The following ZBTB46 variants were observed in gnomAD, a reference collection of about 807,000 sequenced individuals.
The protein encoded by ZBTB46 is zinc finger and BTB domain-containing protein 46.
A neutral mutation model predicts 44.1 loss-of-function variants in ZBTB46; 8 were observed. The ratio of observed to expected loss-of-function variants is 0.18; its 90% CI spans 0.11 to 0.33. ZBTB46 has a LOEUF of 0.33. Ranked by LOEUF, ZBTB46 falls within the 10% of genes least tolerant of loss-of-function variation. The probability of loss-of-function intolerance (pLI) is 1.00; values close to 1 mark genes in which losing one functional copy is unlikely to be tolerated. For missense variants in ZBTB46, 651 were observed against 847.7 expected, an observed-to-expected ratio of 0.77 and a Z score of 2.88; for synonymous variants, 409 against 382.3, an observed-to-expected ratio of 1.07 and a Z score of -0.81.
intron 1 of ZBTB46, chr20:63,816,573 A>G (rs188961346): frequency 6.6e-6 from 1 of 152,456 alleles, no homozygotes; most frequent in Admixed American, 6.5e-5. Flanking sequence ...AGTGGCCACG[A>G]GAGGTAGCAG....
Position 63,803,789 on chromosome 20 carries a change from C to A in ZBTB46, c.-33-12999G>T, listed in dbSNP as rs2092664502. Among the ~76,000 whole-genome samples the A allele has an allele frequency of 6.6e-6, 1 of 152,156 alleles. No individual in the cohort carries two copies. ...GTGGCGCAATCTCGGCTCACTGCAG[C>A]CTCAACCTCCCAGGCTCAAGGCATC... On this transcript the variant is annotated intron_variant, in intron 1 of 4. Transcript: ENST00000245663. This position sits in a 1 kb window ranked among gnomAD's most constrained non-coding sequence, Gnocchi z 4.0.
intron 3 of ZBTB46, among the ~76,000 whole-genome samples, chr20:63,766,983 C>A (rs994230110): frequency 6.6e-6 from 1 of 152,206 alleles, no homozygotes; most frequent in African/African-American, 2.4e-5. Context: ...AGCCCACCTG[C>A]TGCTCTGGGT....
In ZBTB46 at chr20:63,752,911, C is replaced by T. The variant is rs2092183663; in HGVS notation, c.1223-50G>A. On this transcript the variant is annotated intron_variant, in intron 3 of 4. Transcript: ENST00000245663. The surrounding 1 kb of genome is among the most constrained non-coding windows in gnomAD (Gnocchi z 5.6). ...GTCAGCAGGGCTTGGGATGTACCGC[C>T]CTGCGGCCCACAGACCACGGCTGCA... The T allele has an allele frequency of 5.8e-6, 9 of 1,540,682 alleles. No individual in the cohort carries two copies. The highest frequency in any genetic ancestry group is 7.9e-6 in the Non-Finnish European group (9 of 1,139,960).
chr20:63,829,003 C>G (rs1328760402), intron 1 of ZBTB46, among the ~76,000 whole-genome samples: 1 of 152,246 alleles, frequency 6.6e-6, no homozygotes, highest in Non-Finnish European at 1.5e-5. Context: ...GGAAAGTTCA[C>G]TCTGCTAAAA....
intron 1 of ZBTB46, among the ~76,000 whole-genome samples, chr20:63,811,297 A>G (rs2092716507): frequency 6.6e-6 from 1 of 152,136 alleles, no homozygotes; most frequent in South Asian, 2.1e-4. Flanking sequence ...CCACCAGCCC[A>G]CTAGGACCTC....
At chr20:63,785,798 C>A (rs1376497010) in intron 2 of ZBTB46, among the ~76,000 whole-genome samples, 2 of 152,210 alleles carry the variant, frequency 1.3e-5, no homozygotes, top group African/African-American at 4.8e-5. Flanking sequence ...TCACACAGCT[C>A]ACAGCCTTGT....
At chr20:63,818,927 C>T (rs1312621150) in intron 1 of ZBTB46, among the ~76,000 whole-genome samples, 1 of 150,222 alleles carries the variant, frequency 6.7e-6, no homozygotes, top group Non-Finnish European at 1.5e-5. Flanking sequence ...GTAATCCCAG[C>T]ACTTTGGGAG....
intron 3 of ZBTB46, among the ~76,000 whole-genome samples, chr20:63,768,860 C>T (rs114268362): frequency 0.021 from 3,212 of 152,114 alleles, 121 homozygotes; most frequent in African/African-American, 0.073. Context: ...AGTGACCAGG[C>T]CTGGAAGGGA....
At chr20:63,760,235 C>G (rs1415307630) in intron 3 of ZBTB46, among the ~76,000 whole-genome samples, 1 of 152,130 alleles carries the variant, frequency 6.6e-6, no homozygotes, top group Non-Finnish European at 1.5e-5. Context: ...CTAGTAAAGG[C>G]ACTCGCCCTG....
chr20:63,747,223 G>A lies in ZBTB46; in HGVS notation c.1477C>T (p.His493Tyr), dbSNP rs2092101351. 1 of 1,597,952 alleles carries A rather than the reference G, an allele frequency of 6.3e-7. No homozygotes were observed. The highest frequency in any genetic ancestry group is 8.5e-7 in the Non-Finnish European group (1 of 1,172,244). Residue 493 changes from histidine (H) to tyrosine (Y), a missense_variant, in exon 5 of 5, where the codon CAT becomes TAT. Transcript: ENST00000245663. ...FMSAASVGIR[H>Y]GSRRHGVCTD... ...CACACACCGTGGCGCCTGGAGCCAT[G>A]CCTGATGCCCACGCTGGCGGCGGAC...
chr20:63,831,532 G>A (rs2092852487), upstream of ZBTB46, among the ~76,000 whole-genome samples: 1 of 148,076 alleles, frequency 6.8e-6, no homozygotes, highest in African/African-American at 2.4e-5. Flanking sequence ...GACAGCGGAA[G>A]TGCGGGCTGG....
At chr20:63,799,342 G>A (rs566616743) in intron 1 of ZBTB46, among the ~76,000 whole-genome samples, 1 of 149,778 alleles carries the variant, frequency 6.7e-6, no homozygotes, top group Non-Finnish European at 1.5e-5. Context: ...GTGTGGCCTG[G>A]TGAGACTAAC....
intron 3 of ZBTB46, among the ~76,000 whole-genome samples, chr20:63,760,982 C>A (rs2092269193): frequency 1.4e-5 from 2 of 142,490 alleles, no homozygotes; most frequent in African/African-American, 5.2e-5. Flanking sequence ...TGCCTGCTTT[C>A]TACTTCATTG....
intron 1 of ZBTB46, among the ~76,000 whole-genome samples, chr20:63,810,873 A>G (rs1568896999): frequency 6.6e-6 from 1 of 152,250 alleles, no homozygotes; most frequent in Non-Finnish European, 1.5e-5. Flanking sequence ...ACATGAGAGC[A>G]ATCTACGTTT....
intron 3 of ZBTB46, among the ~76,000 whole-genome samples, chr20:63,754,725 G>A (rs1043134443): frequency 1.3e-5 from 2 of 151,922 alleles, no homozygotes; most frequent in Non-Finnish European, 2.9e-5. Flanking sequence ...TCAGCCTCCC[G>A]AGTAGCTGGG....
intron 4 of ZBTB46, among the ~76,000 whole-genome samples, chr20:63,749,618 C>G (rs983384523): frequency 3.0e-4 from 45 of 152,236 alleles, no homozygotes; most frequent in African/African-American, 4.3e-4. Context: ...TTACAGGCGT[C>G]AGCCACCGCG....
chr20:63,800,824 C>T (rs1453818062), intron 1 of ZBTB46, among the ~76,000 whole-genome samples: 1 of 152,218 alleles, frequency 6.6e-6, no homozygotes, highest in African/African-American at 2.4e-5. Flanking sequence ...CTCCCCCTCC[C>T]CGCAGTGGGC....
chr20:63,778,424 G>A (rs555492272), intron 2 of ZBTB46, among the ~76,000 whole-genome samples: 10 of 152,338 alleles, frequency 6.6e-5, no homozygotes, highest in South Asian at 2.1e-4. Flanking sequence ...CACCGTGGTC[G>A]TTGACAGGAA....
Position 63,810,268 on chromosome 20 carries a change from C to T in ZBTB46, c.-33-19478G>A, listed in dbSNP as rs1298256465. On this transcript the variant is annotated intron_variant, in intron 1 of 4. Coordinates refer to ENST00000245663, the MANE Select transcript of ZBTB46 (RefSeq NM_001369741.1). Reference sequence around the variant, plus strand: ...ACAATTCGAAGATGGCCCAGAAAACCGTCAAGTATTAAAACTGAGCAAAAC... The same window carrying T: ...ACAATTCGAAGATGGCCCAGAAAACTGTCAAGTATTAAAACTGAGCAAAAC... Among the ~76,000 whole-genome samples the T allele has an allele frequency of 5.3e-5, 8 of 152,224 alleles. No homozygotes were observed. In the East Asian group the frequency reaches 9.6e-4, roughly 18 times the overall value.
Sources: allele counts gnomAD v4.1 joint callset (sites outside exome capture counted in the v4.1 genomes callset), GRCh38; gene constraint gnomAD v4.1.1; non-coding constraint Gnocchi (gnomAD v3.1); transcripts MANE v1.5; gene names NCBI Gene and HGNC (gene_info 2026-07-23, HGNC 2026-07-21).